The following PTRH1 variants were observed in gnomAD, a reference collection of about 807,000 sequenced individuals.
PTRH1 encodes the protein peptidyl-tRNA hydrolase 1 homolog.
PTRH1 carries 13 observed loss-of-function variants against 15.7 expected under a neutral mutation model. The observed-to-expected ratio is 0.83, with a 90% CI of 0.54 to 1.31. PTRH1 has a LOEUF of 1.31. Ranked by LOEUF, PTRH1 falls within the 40% of genes most tolerant of loss-of-function variation. The pLI is 0.00. For missense variants in PTRH1, 319 were observed against 296.2 expected (o/e 1.08, Z -0.56); for synonymous variants, 139 against 136.7 (o/e 1.02, Z -0.12).
downstream of PTRH1, chr9:127,711,244 C>T (rs755719395): frequency 9.9e-6 from 16 of 1,613,868 alleles, no homozygotes; most frequent in Non-Finnish European, 1.4e-5. Flanking sequence ...GGAAAGAGAT[C>T]ATCCAGCGCG....
chr9:127,694,418 G>C (rs1388308224), intron 2 of PTRH1, among the ~76,000 whole-genome samples: 2 of 152,124 alleles, frequency 1.3e-5, no homozygotes, highest in Non-Finnish European at 2.9e-5. Context: ...GTATCTCCCT[G>C]GTTGTTTCTG....
chr9:127,703,995 C>T (rs1842623214), intron 1 of PTRH1, among the ~76,000 whole-genome samples: 1 of 152,102 alleles, frequency 6.6e-6, no homozygotes, highest in Admixed American at 6.5e-5. Flanking sequence ...GCCTTCCCCT[C>T]CCAGGGCGAA....
downstream of PTRH1, chr9:127,709,409 G>A (rs1487509186): frequency 6.2e-6 from 10 of 1,611,496 alleles, 1 homozygote; most frequent in Non-Finnish European, 7.6e-6. This position sits in a 1 kb window ranked among gnomAD's most constrained non-coding sequence, Gnocchi z 4.7. Flanking sequence ...CCACGGCTCT[G>A]CCCCTGCCCC....
At chr9:127,713,201 C>T (rs118012211), downstream of PTRH1, 3,992 of 1,529,942 alleles carry the variant, frequency 2.6e-3, 103 homozygotes, top group East Asian at 0.06. Context: ...ACACAGCAGC[C>T]CTGAGGTGAG....
Position 127,715,203 on chromosome 9 carries a change from G to A in PTRH1, c.97-9C>T. ...TTCCCCAGGCCAGCCACCTGCGGGCGGCACCAGGGAAACTGAGGCCCAACA... is the reference window on the plus strand; with the variant it reads ...TTCCCCAGGCCAGCCACCTGCGGGCAGCACCAGGGAAACTGAGGCCCAACA... On this transcript the variant is annotated splice_polypyrimidine_tract_variant and intron_variant, in intron 1 of 4. Transcript: ENST00000543175. The surrounding 1 kb of genome is among the most constrained non-coding windows in gnomAD (Gnocchi z 5.8). The A allele has an allele frequency of 6.6e-7, 1 of 1,525,112 alleles. No individual in the cohort carries two copies. Among genetic ancestry groups the A allele is most frequent in the Non-Finnish European group, 8.8e-7 (1 of 1,139,682 alleles). 94.5% of individuals were successfully genotyped at this position (1,525,112 alleles called of 1,614,324 possible).
downstream of PTRH1, chr9:127,711,182 T>TTTTGTC: frequency 3.1e-6 from 5 of 1,593,634 alleles, no homozygotes; most frequent in Non-Finnish European, 3.4e-6. Context: ...TGCCCAGGGC[T>TTTTGTC]TGTGCCCGCT....
At position 127,715,538 on chromosome 9, in the gene PTRH1, A is replaced by T. The variant is rs754619484; in HGVS notation, c.96+6T>A. ...AGCCCCTACGTCGCCGCCCCACGCC[A>T]CTCACCATCCACCGCTTCCCCGGGG... is the stretch of plus-strand genomic sequence containing the variant. On this transcript the variant is annotated splice_donor_region_variant and intron_variant, in intron 1 of 4. Transcript: ENST00000543175. The surrounding 1 kb of genome is among the most constrained non-coding windows in gnomAD (Gnocchi z 5.8). 6.2e-7 allele frequency: 1 copy of T among 1,613,292 alleles called. No individual in the cohort carries two copies. The highest frequency in any genetic ancestry group is 1.7e-5 in the Admixed American group (1 of 60,014).
intron 2 of PTRH1, 116 bp from the exon 3 acceptor site, chr9:127,714,818 G>T: frequency 1.8e-6 from 2 of 1,083,324 alleles, no homozygotes; most frequent in East Asian, 2.6e-5. Flanking sequence ...AGAAACTGAG[G>T]CCCCCCGAAG....
chr9:127,694,888 C>A (rs985397657), intron 2 of PTRH1: 77 of 672,464 alleles, frequency 1.1e-4, no homozygotes, highest in Non-Finnish European at 1.8e-4. Context: ...AAGCAGAAGG[C>A]CAGAGTGGTT....
chr9:127,703,905 C>T (rs899833466), intron 1 of PTRH1, among the ~76,000 whole-genome samples: 1 of 152,120 alleles, frequency 6.6e-6, no homozygotes, highest in Admixed American at 6.5e-5. Flanking sequence ...GTCCTCTCTG[C>T]TGTACCTGCT....
At chr9:127,709,546 G>T (rs181393981), downstream of PTRH1, 3 of 1,614,152 alleles carry the variant, frequency 1.9e-6, no homozygotes, top group South Asian at 3.3e-5. The surrounding 1 kb of genome is among the most constrained non-coding windows in gnomAD (Gnocchi z 4.7). Context: ...CCAGCAGGTG[G>T]ATGAGATCAC....
chr9:127,702,669 C>T (rs999513293), intron 1 of PTRH1, among the ~76,000 whole-genome samples: 1 of 152,058 alleles, frequency 6.6e-6, no homozygotes. Flanking sequence ...TTGACATGAG[C>T]CTGTGACGTT....
Position 127,713,878 on chromosome 9 carries a change from T to C in PTRH1, c.*222A>G, listed in dbSNP as rs1221143064. On this transcript the variant is annotated 3_prime_UTR_variant, in exon 5 of 5. Transcript: ENST00000543175. ...TAAAAAGGCTTGAAAAGTTTAGTCT[T>C]CCTGAAGTTCCCCTACGTCCCAAGT... 4.3e-6 allele frequency: 7 copies of C among 1,613,826 alleles called. No homozygotes were observed. Among genetic ancestry groups the C allele is most frequent in the Non-Finnish European group, 5.9e-6 (7 of 1,180,008 alleles).
At chr9:127,706,636 C>CA (rs1842652083) in intron 1 of PTRH1, among the ~76,000 whole-genome samples, 1 of 152,226 alleles carries the variant, frequency 6.6e-6, no homozygotes, top group South Asian at 2.1e-4. Flanking sequence ...CACCCCAGGC[C>CA]ACAGCTGCAG....
downstream of PTRH1, chr9:127,712,380 G>C (rs1842787339): frequency 1.9e-6 from 3 of 1,610,550 alleles, no homozygotes; most frequent in East Asian, 2.2e-5. Context: ...GAGGGCGCAA[G>C]GGGAGGGGGA....
chr9:127,697,599 T>G (rs1842571858), intron 1 of PTRH1, among the ~76,000 whole-genome samples: 1 of 152,142 alleles, frequency 6.6e-6, no homozygotes, highest in Non-Finnish European at 1.5e-5. Flanking sequence ...AAGCAGAGGT[T>G]GTGGTAAGCC....
rs565257729 is a variant in PTRH1 at position 127,705,929 on chromosome 9, C to T, written c.205+9506G>A. ...GCCCTGCCTGCAGGGAACAGGCACC[C>T]TGGGAAGGGCAGACCACCACAGGCG... On this transcript the variant is annotated intron_variant, in intron 1 of 2. Coordinates refer to the PTRH1 transcript ENST00000335223. The surrounding 1 kb of genome is among the most constrained non-coding windows in gnomAD (Gnocchi z 4.7). Among the ~76,000 whole-genome samples, 5 of 152,334 alleles carry T rather than the reference C, an allele frequency of 3.3e-5. No homozygotes were observed. Among genetic ancestry groups the T allele is most frequent in the Admixed American group, 1.3e-4 (2 of 15,312 alleles).
intron 1 of PTRH1, chr9:127,707,196 C>A: frequency 6.2e-7 from 1 of 1,608,968 alleles, no homozygotes; most frequent in Non-Finnish European, 8.5e-7. Flanking sequence ...TAGCCCGGTG[C>A]GTGGGCTGGC....
intron 2 of PTRH1, 118 bp downstream of exon 2, chr9:127,714,857 C>A: frequency 9.5e-7 from 1 of 1,048,250 alleles, no homozygotes; most frequent in Non-Finnish European, 1.4e-6. Context: ...AACTGGAGCT[C>A]AACAGGTACT....
Sources: allele counts gnomAD v4.1 joint callset (sites outside exome capture counted in the v4.1 genomes callset), GRCh38; gene constraint gnomAD v4.1.1; non-coding constraint Gnocchi (gnomAD v3.1); transcripts MANE v1.5; gene names NCBI Gene and HGNC (gene_info 2026-07-23, HGNC 2026-07-21).